The following GRIA4 variants were observed in gnomAD, a reference collection of about 807,000 sequenced individuals.
GRIA4 encodes the protein glutamate ionotropic receptor AMPA type subunit 4, also known as glutamate receptor 4.
GRIA4 carries 34 observed loss-of-function variants against 104.0 expected under a neutral mutation model. That is an observed-to-expected ratio of 0.33 (90% CI 0.25 to 0.44). The LOEUF (loss-of-function observed/expected upper bound fraction) is 0.44. Among genes scored for constraint, GRIA4 ranks in the 20% least tolerant of loss-of-function variants. The pLI, the probability that GRIA4 is intolerant of heterozygous loss-of-function variation, is 1.00. For synonymous variants in GRIA4, 386 were observed against 381.9 expected (o/e 1.01, Z -0.13); for missense variants, 750 against 1,096.5 (o/e 0.68, Z 4.46).
chr11:105,944,606 T>C (rs930103735), intron 14 of GRIA4, among the ~76,000 whole-genome samples: 8 of 152,014 alleles, frequency 5.3e-5, no homozygotes, highest in African/African-American at 1.7e-4. Context: ...GAAATAAAAA[T>C]TTAATAACTA....
intron 4 of GRIA4, among the ~76,000 whole-genome samples, chr11:105,833,740 T>G (rs989226028): frequency 3.3e-5 from 5 of 152,130 alleles, no homozygotes; most frequent in African/African-American, 1.2e-4. Context: ...TTTCTATTTT[T>G]TAAAGTGCAG....
intron 3 of GRIA4, among the ~76,000 whole-genome samples, chr11:105,660,698 T>G (rs1440257943): frequency 6.6e-6 from 1 of 151,484 alleles, no homozygotes; most frequent in Non-Finnish European, 1.5e-5. Context: ...AATGTAATAT[T>G]AAACAGATAG....
chr11:105,946,621 T>C (rs1948321290), intron 14 of GRIA4, among the ~76,000 whole-genome samples: 1 of 151,608 alleles, frequency 6.6e-6, no homozygotes, highest in Non-Finnish European at 1.5e-5. Flanking sequence ...AAAAAATAAA[T>C]TTAAAAATCT....
chr11:105,917,511 T>C (rs1947439060), intron 10 of GRIA4, among the ~76,000 whole-genome samples: 2 of 152,178 alleles, frequency 1.3e-5, no homozygotes, highest in African/African-American at 4.8e-5. Flanking sequence ...TAAGAGCAAA[T>C]TCAACTTCCC....
At chr11:105,736,469 A>G (rs957907645) in intron 3 of GRIA4, among the ~76,000 whole-genome samples, 1 of 152,150 alleles carries the variant, frequency 6.6e-6, no homozygotes. Context: ...ACAATTTCCG[A>G]AAGTTATTTT....
At chr11:105,920,920 A>G (rs1947540396) in intron 11 of GRIA4, among the ~76,000 whole-genome samples, 2 of 152,194 alleles carry the variant, frequency 1.3e-5, no homozygotes, top group Middle Eastern at 3.4e-3. Flanking sequence ...ATTGTTTCTC[A>G]ACGTTTTTTT....
intron 4 of GRIA4, among the ~76,000 whole-genome samples, chr11:105,757,087 A>G (rs1940355351): frequency 6.6e-6 from 1 of 152,098 alleles, no homozygotes; most frequent in African/African-American, 2.4e-5. Flanking sequence ...AGGGAGTCCA[A>G]CTCTCTTCAG....
chr11:105,669,236 C>A lies in GRIA4; in HGVS notation c.247+56802C>A, dbSNP rs146496873. ...TTTTTTTCCTGGACAATTACAATAACCTTCTGTGTACCAGCTTTACACCAG... is the reference window on the plus strand; with the variant it reads ...TTTTTTTCCTGGACAATTACAATAAACTTCTGTGTACCAGCTTTACACCAG... On this transcript the variant is annotated intron_variant, in intron 3 of 16. Transcript: ENST00000282499. Among the ~76,000 whole-genome samples the A allele has an allele frequency of 2.1e-3, 317 of 152,060 alleles. 2 individuals are homozygous for A. The highest frequency in any genetic ancestry group is 7.0e-3 in the African/African-American group (292 of 41,500).
intron 3 of GRIA4, among the ~76,000 whole-genome samples, chr11:105,738,920 T>TAAAAAAA (rs1208334069): frequency 2.0e-5 from 1 of 49,306 alleles, no homozygotes; most frequent in African/African-American, 7.8e-5. Flanking sequence ...AGTTGACAAG[T>TAAAAAAA]AAAAAAAAAC....
intron 14 of GRIA4, among the ~76,000 whole-genome samples, chr11:105,943,232 C>A (rs1264346638): frequency 1.3e-5 from 2 of 152,122 alleles, no homozygotes; most frequent in African/African-American, 2.4e-5. Flanking sequence ...AAGGAAAGCA[C>A]TCCTCTGTAA....
chr11:105,838,150 A>G (rs1204993885), intron 4 of GRIA4, among the ~76,000 whole-genome samples: 2 of 152,224 alleles, frequency 1.3e-5, no homozygotes, highest in Non-Finnish European at 2.9e-5. Flanking sequence ...TCTAATAAAG[A>G]TAAAGTCACC....
intron 3 of GRIA4, 32 bp from the exon 4 acceptor site, chr11:105,752,949 T>G: frequency 6.2e-7 from 1 of 1,602,968 alleles, no homozygotes; most frequent in Non-Finnish European, 8.5e-7. Flanking sequence ...AGTGTGCTAA[T>G]AGTTTGTGGT....
At chr11:105,827,410 T>G (rs1943811394) in intron 4 of GRIA4, among the ~76,000 whole-genome samples, 1 of 151,994 alleles carries the variant, frequency 6.6e-6, no homozygotes, top group African/African-American at 2.4e-5. Flanking sequence ...AAAAAAACAG[T>G]AAATTGAAGG....
At chr11:105,702,219 T>C (rs1953522733) in intron 3 of GRIA4, among the ~76,000 whole-genome samples, 1 of 152,132 alleles carries the variant, frequency 6.6e-6, no homozygotes, top group Non-Finnish European at 1.5e-5. Flanking sequence ...TGTATTAATA[T>C]TTTTCCTAGT....
At chr11:105,935,602 G>T (rs1212103504) in intron 14 of GRIA4, among the ~76,000 whole-genome samples, 1 of 152,114 alleles carries the variant, frequency 6.6e-6, no homozygotes, top group Non-Finnish European at 1.5e-5. Context: ...AGGGAAAAAT[G>T]CAATGGTGAT....
At chr11:105,690,455 A>G (rs1246426311) in intron 3 of GRIA4, among the ~76,000 whole-genome samples, 1 of 152,174 alleles carries the variant, frequency 6.6e-6, no homozygotes, top group African/African-American at 2.4e-5. Context: ...TTAATTAGTA[A>G]TCAGTCACTT....
chr11:105,909,819 T>A (rs1224917898), intron 9 of GRIA4, among the ~76,000 whole-genome samples: 4 of 152,208 alleles, frequency 2.6e-5, no homozygotes, highest in Non-Finnish European at 4.4e-5. Context: ...ATAAAAAAAA[T>A]TTTAAATGAA....
intron 4 of GRIA4, among the ~76,000 whole-genome samples, chr11:105,776,591 A>G (rs1329076839): frequency 1.3e-5 from 2 of 152,188 alleles, no homozygotes; most frequent in Admixed American, 1.3e-4. Flanking sequence ...AGCGAGTGCC[A>G]GGTACATAGC....
intron 13 of GRIA4, 83 bp from the exon 14 acceptor site, chr11:105,933,639 G>T: frequency 9.9e-7 from 1 of 1,005,556 alleles, no homozygotes; most frequent in Non-Finnish European, 1.5e-6. Context: ...ATACTAAAAC[G>T]CTTTATTCTT....
Sources: allele counts gnomAD v4.1 joint callset (sites outside exome capture counted in the v4.1 genomes callset), GRCh38; gene constraint gnomAD v4.1.1; transcripts MANE v1.5; gene names NCBI Gene and HGNC (gene_info 2026-07-23, HGNC 2026-07-21).